IGSF21: variants seen among roughly 807,000 people sequenced by gnomAD.
IGSF21 encodes immunoglobulin superfamily member 21.
Under a neutral mutation model 46.8 loss-of-function variants are expected in IGSF21, and 28 were observed. The ratio of observed to expected loss-of-function variants is 0.60; its 90% CI spans 0.44 to 0.82. IGSF21 has a LOEUF of 0.82. IGSF21 is among the 40% of genes least tolerant of loss of function. IGSF21 has a pLI of 0.00. For synonymous variants in IGSF21, 284 were observed against 273.6 expected (o/e 1.04, Z -0.38); for missense variants, 624 against 665.5 (o/e 0.94, Z 0.69).
At chr1:18,265,847 G>A (rs1254948854) in intron 2 of IGSF21, among the ~76,000 whole-genome samples, 1 of 152,234 alleles carries the variant, frequency 6.6e-6, no homozygotes, top group African/African-American at 2.4e-5. Flanking sequence ...TGAGGAGCGG[G>A]CAAGGTGCAG....
At chr1:18,349,518 T>C (rs1224587431) in intron 4 of IGSF21, among the ~76,000 whole-genome samples, 1 of 151,898 alleles carries the variant, frequency 6.6e-6, no homozygotes, top group Non-Finnish European at 1.5e-5. Context: ...CAGAAGGAGC[T>C]ATATAGGCAA....
chr1:18,157,559 C>T (rs1293270050), intron 1 of IGSF21, among the ~76,000 whole-genome samples: 1 of 152,198 alleles, frequency 6.6e-6, no homozygotes, highest in Non-Finnish European at 1.5e-5. Context: ...TCACCATCGT[C>T]CTGTTCTCAA....
At chr1:18,185,545 T>C (rs1055054113) in intron 1 of IGSF21, among the ~76,000 whole-genome samples, 1 of 152,168 alleles carries the variant, frequency 6.6e-6, no homozygotes, top group African/African-American at 2.4e-5. Context: ...TATAGACAGC[T>C]GGGGTATTGT....
At chr1:18,125,926 A>G (rs998675312) in intron 1 of IGSF21, among the ~76,000 whole-genome samples, 2 of 152,184 alleles carry the variant, frequency 1.3e-5, no homozygotes, top group African/African-American at 4.8e-5. Context: ...GTAATCAACA[A>G]CTACAGGAAA....
intron 4 of IGSF21, among the ~76,000 whole-genome samples, chr1:18,357,348 GA>G (rs2086030245): frequency 6.7e-6 from 1 of 149,872 alleles, no homozygotes; most frequent in South Asian, 2.2e-4. Flanking sequence ...TGAAGATGGA[GA>G]TGGGGATGGG....
At chr1:18,127,072 G>A (rs1570247996) in intron 1 of IGSF21, among the ~76,000 whole-genome samples, 1 of 152,164 alleles carries the variant, frequency 6.6e-6, no homozygotes, top group African/African-American at 2.4e-5. Flanking sequence ...ATCTACCAGT[G>A]ACCACATGGA....
At chr1:18,323,774 A>C (rs919434255) in intron 3 of IGSF21, among the ~76,000 whole-genome samples, 1 of 152,116 alleles carries the variant, frequency 6.6e-6, no homozygotes, top group Non-Finnish European at 1.5e-5. Context: ...GATGCCACAG[A>C]TATTTTGTAC....
intron 2 of IGSF21, among the ~76,000 whole-genome samples, chr1:18,277,287 G>A (rs1016603470): frequency 6.6e-6 from 1 of 152,212 alleles, no homozygotes; most frequent in African/African-American, 2.4e-5. Context: ...GGGCCATAAC[G>A]TGAATCCCGT....
intron 3 of IGSF21, among the ~76,000 whole-genome samples, chr1:18,320,949 G>A (rs1243285511): frequency 2.6e-5 from 4 of 152,188 alleles, no homozygotes; most frequent in African/African-American, 9.7e-5. Flanking sequence ...GCAGGAAACT[G>A]GGCTGATTGA....
chr1:18,175,593 C>T (rs1385976989), intron 1 of IGSF21, among the ~76,000 whole-genome samples: 6 of 152,056 alleles, frequency 3.9e-5, no homozygotes, highest in South Asian at 2.1e-4. Flanking sequence ...GGAAGTGACC[C>T]GGGAAGAACC....
rs150768272 is a variant in IGSF21 at position 18,350,834 on chromosome 1, C to T, written c.425-11281C>T. On this transcript the variant is annotated intron_variant, in intron 4 of 9. Coordinates refer to ENST00000251296, the MANE Select transcript of IGSF21 (RefSeq NM_032880.5). ...GGACAGGAAAGACGTGGCCACAGAGCCCCCCGGGAAATCTCCCGCTTGAAG... is the reference window on the plus strand; with the variant it reads ...GGACAGGAAAGACGTGGCCACAGAGTCCCCCGGGAAATCTCCCGCTTGAAG... Among the ~76,000 whole-genome samples, 464 of 152,204 alleles carry T rather than the reference C, an allele frequency of 3.0e-3. 3 individuals are homozygous for T. In the Middle Eastern group the frequency reaches 0.034, roughly 11 times the overall value.
rs762211159 is a variant in IGSF21, at chr1:18,334,366, G to A, written c.306-526G>A. On this transcript the variant is annotated intron_variant, in intron 3 of 9. Transcript: ENST00000251296. The surrounding 1 kb of genome is among the most constrained non-coding windows in gnomAD (Gnocchi z 4.3). ...ACTGGGCATGAAGTGGCAGCATGGC[G>A]GCATGGAGAGAGAAATTCAAATTTC... 8.5e-5 allele frequency among the ~76,000 whole-genome samples: 13 copies of A among 152,102 alleles called. No individual in the cohort carries two copies. The highest frequency in any genetic ancestry group is 1.5e-4 in the Non-Finnish European group (10 of 68,028).
intron 1 of IGSF21, among the ~76,000 whole-genome samples, chr1:18,138,206 A>T (rs1315411145): frequency 6.6e-6 from 1 of 152,198 alleles, no homozygotes; most frequent in Non-Finnish European, 1.5e-5. Context: ...TGGGCTACAG[A>T]ACCAGTGAGC....
chr1:18,264,996 G>A (rs1172450948), intron 2 of IGSF21, among the ~76,000 whole-genome samples: 1 of 152,114 alleles, frequency 6.6e-6, no homozygotes, highest in African/African-American at 2.4e-5. Context: ...TCACAATCCC[G>A]GCTCTTTTCA....
chr1:18,169,305 G>C (rs1399714618), intron 1 of IGSF21, among the ~76,000 whole-genome samples: 1 of 152,222 alleles, frequency 6.6e-6, no homozygotes, highest in Non-Finnish European at 1.5e-5. Context: ...GAAGAGCAGG[G>C]AACTGGGAAG....
intron 6 of IGSF21, among the ~76,000 whole-genome samples, chr1:18,367,849 C>T (rs997123361): frequency 6.6e-6 from 1 of 151,836 alleles, no homozygotes; most frequent in Non-Finnish European, 1.5e-5. Context: ...AGGTGATCCA[C>T]CTGCCTCGGC....
intron 1 of IGSF21, among the ~76,000 whole-genome samples, chr1:18,128,665 T>C (rs1338429032): frequency 6.6e-6 from 1 of 152,186 alleles, no homozygotes; most frequent in Admixed American, 6.5e-5. Flanking sequence ...TGGGCCCTAC[T>C]GTATTCTCCA....
At chr1:18,241,801 C>T (rs778103240) in intron 2 of IGSF21, among the ~76,000 whole-genome samples, 8 of 152,174 alleles carry the variant, frequency 5.3e-5, no homozygotes, top group South Asian at 2.1e-4. Flanking sequence ...CACAAGATGC[C>T]GGTACAGTTG....
At chr1:18,248,908 C>G (rs984609664) in intron 2 of IGSF21, among the ~76,000 whole-genome samples, 1 of 152,032 alleles carries the variant, frequency 6.6e-6, no homozygotes, top group Non-Finnish European at 1.5e-5. Context: ...TGGACCCCCC[C>G]AAGCCAGACT....
Sources: allele counts gnomAD v4.1 joint callset (sites outside exome capture counted in the v4.1 genomes callset), GRCh38; gene constraint gnomAD v4.1.1; non-coding constraint Gnocchi (gnomAD v3.1); transcripts MANE v1.5; gene names NCBI Gene and HGNC (gene_info 2026-07-23, HGNC 2026-07-21).